Variants in ADAM17 observed in about 807,000 individuals in gnomAD.
ADAM17 encodes the protein disintegrin and metalloproteinase domain-containing protein 17.
Under a neutral mutation model 96.7 loss-of-function variants are expected in ADAM17, and 39 were observed. The observed-to-expected ratio is 0.40, with a 90% CI of 0.31 to 0.53. The LOEUF (loss-of-function observed/expected upper bound fraction) is 0.53, where lower values mean the gene tolerates loss of function less well. ADAM17 is among the 20% of genes least tolerant of loss of function. ADAM17 has a pLI of 0.44. For synonymous variants in ADAM17, 344 were observed against 359.2 expected (o/e 0.96, Z 0.48); for missense variants, 777 against 1,013.2 (o/e 0.77, Z 3.17).
intron 14 of ADAM17, 69 bp downstream of exon 14, chr2:9,497,045 G>GAGGA: frequency 6.4e-7 from 1 of 1,574,776 alleles, no homozygotes; most frequent in Non-Finnish European, 8.6e-7. Flanking sequence ...CCTCCAAATG[G>GAGGA]AGGAAGGGAG....
At position 9,489,090 on chromosome 2, in the gene ADAM17, C is replaced by T. The variant is rs1385053526; in HGVS notation, c.*1087G>A. 1 of 152,036 alleles carries T rather than the reference C, an allele frequency of 6.6e-6. No individual in the cohort carries two copies. The highest frequency in any genetic ancestry group is 2.4e-5 in the African/African-American group (1 of 41,370). 9.4% of individuals were successfully genotyped at this position (152,036 alleles called of 1,614,324 possible). ...GTATCAAGTCTTGTGGGGACAGCCCCCAACCCTAAGGGCAGGTAGTATTCT... is the reference window on the plus strand; with the variant it reads ...GTATCAAGTCTTGTGGGGACAGCCCTCAACCCTAAGGGCAGGTAGTATTCT... On this transcript the variant is annotated 3_prime_UTR_variant, in exon 19 of 19. Transcript: ENST00000310823.
intron 1 of ADAM17, among the ~76,000 whole-genome samples, chr2:9,547,035 G>A (rs1049434975): frequency 2.6e-5 from 4 of 152,172 alleles, no homozygotes; most frequent in African/African-American, 9.7e-5. Flanking sequence ...AACTACAATG[G>A]CTGCCTACTT....
chr2:9,492,404 A>AT (rs1340332583), intron 17 of ADAM17, among the ~76,000 whole-genome samples: 1 of 152,190 alleles, frequency 6.6e-6, no homozygotes, highest in African/African-American at 2.4e-5. Context: ...GCTTACTCTT[A>AT]TTTTTTGGGG....
chr2:9,537,908 A>AGGGGG (rs1558522697), intron 2 of ADAM17, among the ~76,000 whole-genome samples: 6 of 28,590 alleles, frequency 2.1e-4, no homozygotes, highest in Admixed American at 6.2e-4. Context: ...AGGGGAGGAG[A>AGGGGG]GGGGGAGGAG....
intron 1 of ADAM17, among the ~76,000 whole-genome samples, chr2:9,552,890 T>C (rs1665626018): frequency 6.6e-6 from 1 of 151,148 alleles, no homozygotes; most frequent in Admixed American, 6.5e-5. Context: ...TTCAGAAAAA[T>C]GTTGTCATAT....
chr2:9,492,981 A>C lies in ADAM17; in HGVS notation c.1999T>G (p.Phe667Val). The change falls in exon 17 of 19, where the codon TTT becomes GTT. Residue 667 changes from phenylalanine (F) to valine (V), a missense_variant. By Grantham distance (50) the Phe-to-Val change is conservative. Transcript: ENST00000310823. Reference protein sequence around the residue: ...DQLSINTFGKFLADNIVGSVL... With the variant: ...DQLSINTFGKVLADNIVGSVL... ...GACCCAACGATGTTGTCTGCTAAAA[A>C]CTTTCCTGTGAACAATTCCAAACAG... 1.2e-6 allele frequency: 2 copies of C among 1,610,006 alleles called. No individual in the cohort carries two copies. Among genetic ancestry groups the C allele is most frequent in the Non-Finnish European group, 1.7e-6 (2 of 1,177,980 alleles).
At chr2:9,535,522 A>G (rs1664925298) in intron 4 of ADAM17, among the ~76,000 whole-genome samples, 1 of 152,180 alleles carries the variant, frequency 6.6e-6, no homozygotes, top group Admixed American at 6.5e-5. Flanking sequence ...TTCACTTTTC[A>G]TTTCTGAGGA....
At chr2:9,515,735 C>CA (rs56888068) in intron 10 of ADAM17, among the ~76,000 whole-genome samples, 8,057 of 117,954 alleles carry the variant, frequency 0.068, 844 homozygotes, top group African/African-American at 0.22. Context: ...ACTCCGTCTC[C>CA]AAAAAAAAAA....
intron 12 of ADAM17, among the ~76,000 whole-genome samples, chr2:9,503,144 A>C (rs1663126458): frequency 6.6e-6 from 1 of 151,560 alleles, no homozygotes; most frequent in Admixed American, 6.6e-5. Flanking sequence ...TCTCAAAAAA[A>C]AAAAAAAAGA....
At chr2:9,518,377 C>T (rs1664163635) in intron 8 of ADAM17, 130 bp from the exon 9 acceptor site, 1 of 1,144,574 alleles carries the variant, frequency 8.7e-7, no homozygotes, top group Non-Finnish European at 1.2e-6. Flanking sequence ...AGCTCAGCAC[C>T]AGCAATCACA....
At chr2:9,546,924 G>C (rs947709233) in intron 1 of ADAM17, among the ~76,000 whole-genome samples, 14 of 152,112 alleles carry the variant, frequency 9.2e-5, no homozygotes, top group African/African-American at 3.1e-4. Flanking sequence ...GGCCAGGATG[G>C]TCTTGATCTC....
At position 9,536,761 on chromosome 2, in the gene ADAM17, C is replaced by A; in HGVS notation, c.298G>T (p.Asp100Tyr). The change falls in exon 3 of 19, where the codon GAT becomes TAT. Residue 100 changes from aspartate (D) to tyrosine (Y), a missense_variant. Around this residue, in one of 3 missense-constraint regions of ADAM17, gnomAD observed 134 missense variants for 129.1 expected, o/e 1.04. Transcript: ENST00000310823. ...GTGTACTCGCTTTCGTTTTTACCAT[C>A]CACCACCACGACCTTGAAATTTTGT... is the stretch of plus-strand genomic sequence containing the variant. ...FSQNFKVVVV[D>Y]GKNESEYTVK... The A allele has an allele frequency of 6.2e-7, 1 of 1,614,114 alleles. No individual in the cohort carries two copies. The highest frequency in any genetic ancestry group is 8.5e-7 in the Non-Finnish European group (1 of 1,179,992).
intron 12 of ADAM17, among the ~76,000 whole-genome samples, chr2:9,504,846 T>C (rs1327296343): frequency 6.6e-6 from 1 of 152,008 alleles, no homozygotes; most frequent in Non-Finnish European, 1.5e-5. Flanking sequence ...TGTTACATAA[T>C]GTCACACTGC....
intron 14 of ADAM17, among the ~76,000 whole-genome samples, chr2:9,495,195 C>A (rs1662480364): frequency 1.3e-5 from 2 of 152,234 alleles, no homozygotes; most frequent in Admixed American, 6.5e-5. Context: ...TGGGACACAA[C>A]TGTCCACCCT....
chr2:9,527,714 TAAC>T, intron 5 of ADAM17, 69 bp downstream of exon 5: 1 of 1,071,654 alleles, frequency 9.3e-7, no homozygotes, highest in Non-Finnish European at 1.3e-6. Context: ...TTTTAACAAA[TAAC>T]AACCACCCCT....
Position 9,543,059 on chromosome 2 carries a change from T to C in ADAM17, c.230+94A>G, listed in dbSNP as rs759628260. On this transcript the variant is annotated intron_variant, in intron 2 of 18. Coordinates refer to ENST00000310823, the MANE Select transcript of ADAM17 (RefSeq NM_003183.6). ...TTAATTACAAATCTTTAAAATGTAA[T>C]TTCCCAAGATTTCAGTAGATACCCT... 29 of 1,355,698 alleles carry C rather than the reference T, an allele frequency of 2.1e-5. 1 individual carries two copies. Among genetic ancestry groups the C allele is most frequent in the Non-Finnish European group, 2.6e-5 (26 of 1,013,952 alleles). 84.0% of individuals were successfully genotyped at this position (1,355,698 alleles called of 1,614,324 possible).
intron 1 of ADAM17, among the ~76,000 whole-genome samples, chr2:9,543,649 G>C (rs2125041091): frequency 6.6e-6 from 1 of 152,298 alleles, no homozygotes; most frequent in East Asian, 1.9e-4. Context: ...TATTGCTACT[G>C]ATGTTAAATA....
rs1199190637 is a variant in ADAM17 at position 9,514,006 on chromosome 2, A to G, written c.1192-3875T>C. 1.4e-5 allele frequency among the ~76,000 whole-genome samples: 2 copies of G among 144,136 alleles called. 1 individual carries two copies. Among genetic ancestry groups the G allele is most frequent in the Admixed American group, 1.4e-4 (2 of 14,494 alleles). The allele number at this position is 144,136 out of a possible 152,430, so 94.6% of individuals were successfully genotyped here. ...AGCCTGGGCAACAAGAGAAAACTCCATCTCAAAAAAAAAAAAAAGAAAAGA... is the reference window on the plus strand; with the variant it reads ...AGCCTGGGCAACAAGAGAAAACTCCGTCTCAAAAAAAAAAAAAAGAAAAGA... On this transcript the variant is annotated intron_variant, in intron 10 of 18. Coordinates refer to ENST00000310823, the MANE Select transcript of ADAM17 (RefSeq NM_003183.6).
chr2:9,513,082 C>T (rs1663831714), intron 10 of ADAM17, among the ~76,000 whole-genome samples: 1 of 152,110 alleles, frequency 6.6e-6, no homozygotes, highest in African/African-American at 2.4e-5. Flanking sequence ...GCAATCTCTG[C>T]CTCCCAGGTT....
Sources: gnomAD v4.1 joint callset for allele counts (sites outside exome capture counted in the v4.1 genomes callset) on GRCh38, gnomAD v4.1.1 for gene constraint, gnomAD v4.1.1 regional missense constraint, MANE v1.5 for transcripts, NCBI Gene and HGNC (gene_info 2026-07-23, HGNC 2026-07-21) for gene names.